The following GABRB1 variants were observed in gnomAD, a reference collection of about 807,000 sequenced individuals.
GABRB1 encodes the protein gamma-aminobutyric acid type A receptor subunit beta1, also known as gamma-aminobutyric acid receptor subunit beta-1.
In GABRB1, 17 loss-of-function variants were observed where a neutral mutation model predicts 51.6. That is an observed-to-expected ratio of 0.33 (90% CI 0.23 to 0.49). The LOEUF is 0.49. Among genes scored for constraint, GABRB1 ranks in the 20% least tolerant of loss-of-function variants. GABRB1 has a pLI of 0.99. For synonymous variants in GABRB1, 247 were observed against 218.9 expected (o/e 1.13, Z -1.14); for missense variants, 410 against 600.6 (o/e 0.68, Z 3.32).
chr4:47,073,125 A>C (rs766098844), intron 3 of GABRB1, among the ~76,000 whole-genome samples: 2 of 152,186 alleles, frequency 1.3e-5, no homozygotes, highest in Admixed American at 6.5e-5. Context: ...GCTGTTTTCC[A>C]CTGTCTAGGG....
At chr4:47,009,960 T>C (rs1724538081) in intron 1 of GABRB1, among the ~76,000 whole-genome samples, 1 of 152,250 alleles carries the variant, frequency 6.6e-6, no homozygotes, top group Admixed American at 6.5e-5. Flanking sequence ...TTAAAGGCTC[T>C]ACTAAACAGT....
chr4:47,315,417 T>A (rs1290449410), intron 4 of GABRB1, among the ~76,000 whole-genome samples: 1 of 151,984 alleles, frequency 6.6e-6, no homozygotes, highest in Non-Finnish European at 1.5e-5. Flanking sequence ...AAGGAAAATT[T>A]ATACACTGCT....
chr4:47,215,853 T>C (rs950100379), intron 4 of GABRB1, among the ~76,000 whole-genome samples: 1 of 152,090 alleles, frequency 6.6e-6, no homozygotes, highest in Non-Finnish European at 1.5e-5. Flanking sequence ...ACTGCCTCTT[T>C]AGAAGCCAGC....
chr4:47,074,227 C>T (rs1727458907), intron 3 of GABRB1, among the ~76,000 whole-genome samples: 1 of 152,050 alleles, frequency 6.6e-6, no homozygotes. Context: ...ATTAAAAATG[C>T]CTGTACAAAA....
chr4:47,281,047 T>C (rs550677209), intron 4 of GABRB1, among the ~76,000 whole-genome samples: 1 of 152,284 alleles, frequency 6.6e-6, no homozygotes, highest in East Asian at 1.9e-4. Flanking sequence ...TCATTCCATT[T>C]CTTTCTGGGC....
intron 1 of GABRB1, among the ~76,000 whole-genome samples, chr4:46,999,394 G>A (rs1724114483): frequency 6.6e-6 from 1 of 152,032 alleles, no homozygotes; most frequent in African/African-American, 2.4e-5. Context: ...AAATTTTATA[G>A]CTCCAAGAAA....
intron 5 of GABRB1, among the ~76,000 whole-genome samples, chr4:47,333,214 A>G (rs1428197806): frequency 2.6e-5 from 2 of 77,922 alleles, no homozygotes; most frequent in Non-Finnish European, 5.0e-5. Context: ...ATATATATAT[A>G]TATATATATA....
chr4:47,103,133 A>T (rs1398473426), intron 3 of GABRB1, among the ~76,000 whole-genome samples: 3 of 152,016 alleles, frequency 2.0e-5, no homozygotes, highest in South Asian at 2.1e-4. Context: ...ACTTTGAGGA[A>T]TCTGTGGGAT....
intron 4 of GABRB1, among the ~76,000 whole-genome samples, chr4:47,247,066 A>G (rs1334695614): frequency 6.6e-6 from 1 of 151,776 alleles, no homozygotes; most frequent in Non-Finnish European, 1.5e-5. Flanking sequence ...TATTGCATTT[A>G]CTTTTGGGTT....
chr4:47,033,421 G>A (rs1387470687), intron 3 of GABRB1, among the ~76,000 whole-genome samples: 4 of 152,246 alleles, frequency 2.6e-5, no homozygotes, highest in South Asian at 4.2e-4. Context: ...CTCGTAAGAC[G>A]GAAAAGCCTG....
intron 1 of GABRB1, among the ~76,000 whole-genome samples, chr4:46,999,812 A>T (rs1364259985): frequency 6.6e-6 from 1 of 152,248 alleles, no homozygotes; most frequent in African/African-American, 2.4e-5. Flanking sequence ...ACATGCTGAC[A>T]TCACAGCCTG....
intron 8 of GABRB1, among the ~76,000 whole-genome samples, chr4:47,409,424 A>G (rs570398260): frequency 6.6e-6 from 1 of 152,142 alleles, no homozygotes; most frequent in Non-Finnish European, 1.5e-5. Flanking sequence ...CTTCCCCAGG[A>G]GTTTGGCCAT....
intron 3 of GABRB1, among the ~76,000 whole-genome samples, chr4:47,133,228 C>T (rs1403667836): frequency 6.6e-6 from 1 of 152,172 alleles, no homozygotes; most frequent in Non-Finnish European, 1.5e-5. Flanking sequence ...TGTAGATTGA[C>T]TCAGTGAATG....
chr4:47,192,906 C>T (rs1719500601), intron 4 of GABRB1, among the ~76,000 whole-genome samples: 1 of 152,104 alleles, frequency 6.6e-6, no homozygotes, highest in African/African-American at 2.4e-5. Context: ...ACTATTTTAT[C>T]CCCATTTTAC....
rs572705103 is a variant in GABRB1 at position 47,202,070 on chromosome 4, A to G, written c.461+40601A>G. Among the ~76,000 whole-genome samples, 3 of 152,208 alleles carry G rather than the reference A, an allele frequency of 2.0e-5. No homozygotes were observed. The South Asian group carries it at 6.2e-4, about 32-fold the overall frequency. On this transcript the variant is annotated intron_variant, in intron 4 of 8. Transcript: ENST00000295454. Reference sequence around the variant, plus strand: ...TGATGTGGTTAGGCCTTGTGTCCCCACCCAAATCTCATCCATAATCCCTAT... The same window carrying G: ...TGATGTGGTTAGGCCTTGTGTCCCCGCCCAAATCTCATCCATAATCCCTAT...
intron 3 of GABRB1, among the ~76,000 whole-genome samples, chr4:47,146,739 G>T (rs1056682535): frequency 6.6e-6 from 1 of 152,018 alleles, no homozygotes; most frequent in African/African-American, 2.4e-5. Flanking sequence ...CACTTTCTGG[G>T]ATTTTTGTCT....
intron 5 of GABRB1, among the ~76,000 whole-genome samples, chr4:47,364,862 G>A (rs970744494): frequency 6.8e-6 from 1 of 147,636 alleles, no homozygotes. Flanking sequence ...AGAAAAAAAA[G>A]AATTTGAGAT....
intron 5 of GABRB1, among the ~76,000 whole-genome samples, chr4:47,345,864 G>A (rs1312545710): frequency 6.6e-6 from 1 of 151,972 alleles, no homozygotes; most frequent in Non-Finnish European, 1.5e-5. Flanking sequence ...TTCTGCACAT[G>A]CCCAGATTCC....
At chr4:47,381,680 A>G (rs753946691) in intron 5 of GABRB1, among the ~76,000 whole-genome samples, 1 of 152,186 alleles carries the variant, frequency 6.6e-6, no homozygotes, top group Non-Finnish European at 1.5e-5. Flanking sequence ...CCTAGAACCC[A>G]GCTTGAAGGG....
Sources: allele counts gnomAD v4.1 joint callset (sites outside exome capture counted in the v4.1 genomes callset), GRCh38; gene constraint gnomAD v4.1.1; transcripts MANE v1.5; gene names NCBI Gene and HGNC (gene_info 2026-07-23, HGNC 2026-07-21).